The following DMD variants were observed in gnomAD, a reference collection of about 807,000 sequenced individuals.
DMD encodes the protein mutant dystrophin.
Under a neutral mutation model 330.1 loss-of-function variants are expected in DMD, and 63 were observed. The ratio of observed to expected loss-of-function variants is 0.19; its 90% CI spans 0.16 to 0.24. The LOEUF is 0.24. Among genes scored for constraint, DMD ranks in the 10% least tolerant of loss-of-function variants. The pLI is 1.00. For missense variants in DMD, 3,344 were observed against 2,684.1 expected, an observed-to-expected ratio of 1.25 and a Z score of -5.43; for synonymous variants, 1,223 against 959.8, an observed-to-expected ratio of 1.27 and a Z score of -5.07.
intron 1 of DMD, among the ~76,000 whole-genome samples, chrX:33,043,985 C>T (rs1305892524): frequency 9.0e-6 from 1 of 111,076 alleles, no homozygotes; most frequent in African/African-American, 3.3e-5. Context: ...TCTCACCTAC[C>T]CCAGTTAATC....
chrX:32,767,601 GT>G (rs943098691), intron 7 of DMD, among the ~76,000 whole-genome samples: 5 of 111,410 alleles, frequency 4.5e-5, no homozygotes, highest in East Asian at 2.8e-4. Context: ...AATGAGGTGG[GT>G]TTTTTTCCAC....
At position 31,204,099 on chromosome X, in the gene DMD, T is replaced by A; in HGVS notation, c.9669A>T (p.Ala3223=). 8.3e-7 allele frequency: 1 copy of A among 1,210,990 alleles called. No homozygotes were observed. The highest frequency in any genetic ancestry group is 1.7e-5 in the African/African-American group (1 of 57,646). ...DKYRYLFKQV[A]SSTGFCDQRR... ...GCTGGTCACAAAATCCTGTTGAACT[T>A]GCCACTTGCTTGAAAAGGTCTACAA... The change falls in exon 67 of 79, where the codon GCA becomes GCT. Residue 3223 remains alanine, a synonymous_variant. Transcript: ENST00000357033.
chrX:32,080,351 G>T (rs1315874386), intron 44 of DMD, among the ~76,000 whole-genome samples: 1 of 112,003 alleles, frequency 8.9e-6, no homozygotes, highest in Admixed American at 9.5e-5. Flanking sequence ...ACTTAACTAA[G>T]CTGTTAAATG....
chrX:31,606,212 G>A (rs1173329466), intron 55 of DMD, among the ~76,000 whole-genome samples: 1 of 111,498 alleles, frequency 9.0e-6, no homozygotes, highest in Non-Finnish European at 1.9e-5. Context: ...GTTTCCTGAG[G>A]CCTACCCAGC....
intron 67 of DMD, among the ~76,000 whole-genome samples, chrX:31,189,336 C>T (rs1348928318): frequency 9.0e-6 from 1 of 111,078 alleles, no homozygotes; most frequent in African/African-American, 3.3e-5. Flanking sequence ...CGCCGCAGCC[C>T]CACTCCCACG....
At chrX:32,236,040 AT>A (rs1405055404) in intron 43 of DMD, among the ~76,000 whole-genome samples, 1 of 112,028 alleles carries the variant, frequency 8.9e-6, no homozygotes, top group Non-Finnish European at 1.9e-5. Context: ...TCATGGTAAA[AT>A]AAAATGAAAA....
chrX:33,041,739 G>A, intron 1 of DMD: 5 of 1,195,789 alleles, frequency 4.2e-6, no homozygotes, highest in Middle Eastern at 3.2e-4. Context: ...CTCGTATGGG[G>A]TGGTTTTTGC....
chrX:31,165,941 G>T (rs1469556442), intron 74 of DMD, among the ~76,000 whole-genome samples: 1 of 111,530 alleles, frequency 9.0e-6, no homozygotes, highest in South Asian at 3.8e-4. Flanking sequence ...GATACATACA[G>T]TGCCTGTGAT....
At chrX:32,842,897 T>A (rs1406351008) in intron 4 of DMD, among the ~76,000 whole-genome samples, 3 of 111,165 alleles carry the variant, frequency 2.7e-5, no homozygotes, top group Admixed American at 9.6e-5. Context: ...AACCTCAGCC[T>A]CTGGGTTCAA....
At chrX:31,454,991 T>G (rs1277741882) in intron 59 of DMD, among the ~76,000 whole-genome samples, 2 of 102,164 alleles carry the variant, frequency 2.0e-5, no homozygotes, top group African/African-American at 7.2e-5. Flanking sequence ...TCTCTCTATG[T>G]TTTCCAGGCT....
chrX:31,788,344 A>G (rs184607295), intron 50 of DMD, among the ~76,000 whole-genome samples: 38 of 112,292 alleles, frequency 3.4e-4, no homozygotes, highest in African/African-American at 1.2e-3. Flanking sequence ...CCATCAGATC[A>G]GGGCTAAGAT....
chrX:32,346,154 A>T (rs957421549), intron 38 of DMD, 74 bp from the exon 39 acceptor site: 13 of 1,084,005 alleles, frequency 1.2e-5, no homozygotes, highest in Non-Finnish European at 1.7e-5. Flanking sequence ...AGATAATAAG[A>T]CATGTTATTT....
intron 21 of DMD, among the ~76,000 whole-genome samples, chrX:32,484,356 C>T (rs950733153): frequency 8.9e-6 from 1 of 111,826 alleles, no homozygotes. Context: ...ATTTGCTAGT[C>T]GCATGGCATG....
intron 44 of DMD, among the ~76,000 whole-genome samples, chrX:32,063,135 A>C (rs944513432): frequency 9.1e-6 from 1 of 109,524 alleles, no homozygotes; most frequent in Non-Finnish European, 1.9e-5. Flanking sequence ...CACATGTTAT[A>C]CTTTTCCATT....
chrX:32,433,306 G>T (rs1324353598), intron 29 of DMD, among the ~76,000 whole-genome samples: 2 of 112,087 alleles, frequency 1.8e-5, no homozygotes, highest in Non-Finnish European at 3.8e-5. Context: ...CAAGTGTAAA[G>T]AGATGGGTCT....
intron 48 of DMD, among the ~76,000 whole-genome samples, chrX:31,858,094 G>T (rs2093644668): frequency 9.1e-6 from 1 of 110,311 alleles, no homozygotes; most frequent in South Asian, 3.8e-4. Flanking sequence ...AGCTAACTTT[G>T]CCTAGTAGAT....
intron 2 of DMD, among the ~76,000 whole-genome samples, chrX:32,893,788 C>T (rs778930420): frequency 9.0e-6 from 1 of 111,596 alleles, no homozygotes; most frequent in African/African-American, 3.3e-5. Context: ...TTATTGGTCC[C>T]CACTTTCTCA....
intron 51 of DMD, among the ~76,000 whole-genome samples, chrX:31,754,822 C>T (rs2088915764): frequency 9.0e-6 from 1 of 111,354 alleles, no homozygotes; most frequent in South Asian, 3.7e-4. Context: ...TAGCATTTCA[C>T]TCATGATTGA....
chrX:32,132,992 T>C (rs1308390109), intron 44 of DMD, among the ~76,000 whole-genome samples: 2 of 26,230 alleles, frequency 7.6e-5, no homozygotes, highest in African/African-American at 2.2e-4. Flanking sequence ...CCTTTTCTTT[T>C]CTTTTTTTTT....
Sources: gnomAD v4.1 joint callset for allele counts (sites outside exome capture counted in the v4.1 genomes callset) on GRCh38, gnomAD v4.1.1 for gene constraint, MANE v1.5 for transcripts, NCBI Gene and HGNC (gene_info 2026-07-23, HGNC 2026-07-21) for gene names.